Variants in HIPK1 observed in about 807,000 individuals in gnomAD.
HIPK1 encodes homeodomain interacting protein kinase 1.
Under a neutral mutation model 117.1 loss-of-function variants are expected in HIPK1, and 28 were observed. The ratio of observed to expected loss-of-function variants is 0.24; its 90% CI spans 0.18 to 0.33. HIPK1 has a LOEUF of 0.33. Among genes scored for constraint, HIPK1 ranks in the 10% least tolerant of loss-of-function variants. The pLI, the probability that HIPK1 is intolerant of heterozygous loss-of-function variation, is 1.00. For missense variants in HIPK1, 1,122 were observed against 1,475.1 expected (o/e 0.76, Z 3.92); for synonymous variants, 605 against 562.5 (o/e 1.08, Z -1.07).
At position 113,968,523 on chromosome 1, in the gene HIPK1, C is replaced by A. The variant is rs751885104; in HGVS notation, c.2646C>A (p.Ser882=). ...TCCGCACCACATCTTCTTATAATTC[C>A]TTGGTCCCTGTCCAAGATCAGCATC... ...SPLRTTSSYN[S]LVPVQDQHQP... The change falls in exon 13 of 16, where the codon TCC becomes TCA. Residue 882 remains serine, a synonymous_variant. Coordinates refer to ENST00000426820, the MANE Select transcript of HIPK1 (RefSeq NM_198268.3). 5.6e-6 allele frequency: 9 copies of A among 1,614,072 alleles called. No individual in the cohort carries two copies. The South Asian group carries it at 9.9e-5, about 18-fold the overall frequency.
chr1:113,968,638 A>C lies in HIPK1; in HGVS notation c.2761A>C (p.Lys921Gln). ...DTDEEEDNKY[K>Q]PSSSGLKPRS... The stretch of plus-strand genomic sequence containing the variant: ...TGATGAGGAAGAGGACAACAAATAC[A>C]AGCCCAGTAGGTAAGATAAGTGAAT... The change falls in exon 13 of 16, where the codon AAG (lysine) becomes CAG (glutamine). Residue 921 changes from lysine to glutamine, a missense_variant. Physicochemically the swap from Lys to Gln is moderately conservative, Grantham distance 53. Transcript: ENST00000426820. The C allele has an allele frequency of 6.2e-7, 1 of 1,612,296 alleles. No homozygotes were observed. Among genetic ancestry groups the C allele is most frequent in the Non-Finnish European group, 8.5e-7 (1 of 1,178,278 alleles).
At position 113,941,013 on chromosome 1, in the gene HIPK1, G is replaced by A. The variant is rs1453850586; in HGVS notation, c.630G>A (p.Arg210=). The change falls in exon 2 of 16, where the codon AGG becomes AGA. Residue 210 remains arginine, a synonymous_variant. Transcript: ENST00000426820. The surrounding 1 kb of genome is among the most constrained non-coding windows in gnomAD (Gnocchi z 4.9). ...TFGQVAKCWK[R]STKEIVAIKI... Reference sequence around the variant, plus strand: ...GACAGGTGGCTAAGTGCTGGAAGAGGAGCACCAAGGAAATTGTGGCTATTA... The same window carrying A: ...GACAGGTGGCTAAGTGCTGGAAGAGAAGCACCAAGGAAATTGTGGCTATTA... The A allele has an allele frequency of 1.9e-6, 3 of 1,614,144 alleles. No homozygotes were observed. The highest frequency in any genetic ancestry group is 4.5e-5 in the East Asian group (2 of 44,884).
intron 13 of HIPK1, among the ~76,000 whole-genome samples, chr1:113,969,258 G>A (rs981602752): frequency 1.3e-4 from 20 of 152,130 alleles, no homozygotes; most frequent in African/African-American, 4.6e-4. Context: ...AGTTCAAAAG[G>A]ACCAATTGTA....
intron 5 of HIPK1, among the ~76,000 whole-genome samples, chr1:113,955,877 G>T (rs1671682858): frequency 6.6e-6 from 1 of 152,032 alleles, no homozygotes; most frequent in Non-Finnish European, 1.5e-5. Context: ...TTACATAGCA[G>T]TGTTTTAAAA....
In HIPK1 at chr1:113,941,431, T is replaced by C; in HGVS notation, c.1048T>C (p.Ser350Pro). 6.2e-7 allele frequency: 1 copy of C among 1,613,888 alleles called. No individual in the cohort carries two copies. Among genetic ancestry groups the C allele is most frequent in the Non-Finnish European group, 8.5e-7 (1 of 1,179,798 alleles). The change falls in exon 2 of 16, where the codon TCA becomes CCA. Residue 350 changes from serine to proline, a missense_variant. Physicochemically the swap from Ser to Pro is moderately conservative, Grantham distance 74. This residue lies in a region of HIPK1 where 127 missense variants were observed against 197.9 expected (regional missense o/e 0.64). Transcript: ENST00000426820. This position sits in a 1 kb window ranked among gnomAD's most constrained non-coding sequence, Gnocchi z 4.9. ...TAGTCACGTTTCCAAAGCTGTGTGC[T>C]CAACCTACTTACAGTCACGTTACTA... ...SASHVSKAVC[S>P]TYLQSRYYRA...
chr1:113,968,520 T>C lies in HIPK1; in HGVS notation c.2643T>C (p.Asn881=). The change falls in exon 13 of 16, where the codon AAT becomes AAC. Residue 881 remains asparagine (N), a synonymous_variant. Transcript: ENST00000426820. ...CCCTCCGCACCACATCTTCTTATAATTCCTTGGTCCCTGTCCAAGATCAGC... is the reference window on the plus strand; with the variant it reads ...CCCTCCGCACCACATCTTCTTATAACTCCTTGGTCCCTGTCCAAGATCAGC... ...SSPLRTTSSY[N]SLVPVQDQHQ... 1 of 1,613,936 alleles carries C rather than the reference T, an allele frequency of 6.2e-7. No individual in the cohort carries two copies. Among genetic ancestry groups the C allele is most frequent in the Non-Finnish European group, 8.5e-7 (1 of 1,179,802 alleles).
intron 5 of HIPK1, among the ~76,000 whole-genome samples, chr1:113,956,368 C>T (rs1005607623): frequency 4.6e-5 from 7 of 152,042 alleles, no homozygotes; most frequent in African/African-American, 1.2e-4. Context: ...CATGAGCCAC[C>T]GCGCCCAGCC....
chr1:113,929,859 C>T (rs1571627484), intron 1 of HIPK1: 2 of 987,568 alleles, frequency 2.0e-6, no homozygotes, highest in Non-Finnish European at 2.4e-6. Context: ...GATGACCCGG[C>T]TGCGGGGCCC....
rs761732212 is a variant in HIPK1, at chr1:113,968,474, A to G, written c.2597A>G (p.Tyr866Cys). 1.9e-6 allele frequency: 3 copies of G among 1,614,008 alleles called. No homozygotes were observed. Among genetic ancestry groups the G allele is most frequent in the Non-Finnish European group, 2.5e-6 (3 of 1,179,878 alleles). ...SSLDVLPSQVYSLVGSSPLRT... is the reference protein window; with the variant it reads ...SSLDVLPSQVCSLVGSSPLRT... ...CTAGATGTTCTGCCTTCCCAAGTCT[A>G]TTCTCTGGTTGGGAGCAGTCCCCTC... Residue 866 changes from tyrosine (Y) to cysteine (C), a missense_variant, in exon 13 of 16, where the codon TAT becomes TGT. Tyr to Cys is a radical substitution (Grantham distance 194). Coordinates refer to ENST00000426820, the MANE Select transcript of HIPK1 (RefSeq NM_198268.3).
chr1:113,957,965 A>T, intron 7 of HIPK1, 101 bp from the exon 8 acceptor site: 1 of 888,844 alleles, frequency 1.1e-6, no homozygotes. Flanking sequence ...ATTACATTTT[A>T]AAACATTATT....
At chr1:113,938,938 AC>A (rs1670449678) in intron 1 of HIPK1, among the ~76,000 whole-genome samples, 1 of 77,090 alleles carries the variant, frequency 1.3e-5, no homozygotes, top group Non-Finnish European at 2.8e-5. Context: ...ATACACACAC[AC>A]ACACACACAC....
intron 15 of HIPK1, 162 bp downstream of exon 15, chr1:113,972,116 T>A: frequency 1.3e-6 from 2 of 1,568,800 alleles, no homozygotes; most frequent in Non-Finnish European, 1.7e-6. Context: ...ATGCTGTGTC[T>A]CTTCATTCAC....
At position 113,967,903 on chromosome 1, in the gene HIPK1, C is replaced by T. The variant is rs1672559000; in HGVS notation, c.2519C>T (p.Ser840Phe). The change falls in exon 12 of 16, where the codon TCC (serine) becomes TTC (phenylalanine). Residue 840 changes from serine (S) to phenylalanine (F), a missense_variant. By Grantham distance (155) the Ser-to-Phe change is radical. Transcript: ENST00000426820. ...GTTGTCAGACAACAACAATCCAGTT[C>T]CCTCCCTTCGAAGAAGAATAAGCAG... is the stretch of plus-strand genomic sequence containing the variant. ...AHVVRQQQSS[S>F]LPSKKNKQSA... The T allele has an allele frequency of 6.2e-7, 1 of 1,609,698 alleles. No homozygotes were observed. The highest frequency in any genetic ancestry group is 1.1e-5 in the South Asian group (1 of 90,218).
chr1:113,962,207 T>G, intron 8 of HIPK1, 110 bp from the exon 9 acceptor site: 1 of 1,142,888 alleles, frequency 8.7e-7, no homozygotes. Context: ...TGTCTAGGAT[T>G]AAAACCTGAA....
rs1672982869 is a variant in HIPK1, at chr1:113,973,487, A to T, written c.3608A>T (p.Lys1203Met). 1 of 1,598,000 alleles carries T rather than the reference A, an allele frequency of 6.3e-7. No individual in the cohort carries two copies. The highest frequency in any genetic ancestry group is 8.5e-7 in the Non-Finnish European group (1 of 1,170,152). ...IYTGYPLSPT[K>M]ISQYSYL Reference sequence around the variant, plus strand: ...ACTGGATACCCGCTGAGTCCTACCAAGATCAGCCAGTATTCCTACTTATAG... The same window carrying T: ...ACTGGATACCCGCTGAGTCCTACCATGATCAGCCAGTATTCCTACTTATAG... The change falls in exon 16 of 16, where the codon AAG (lysine) becomes ATG (methionine). Residue 1203 changes from lysine (K) to methionine (M), a missense_variant. Physicochemically the swap from Lys to Met is moderately conservative, Grantham distance 95. Transcript: ENST00000426820.
chr1:113,963,528 C>G lies in HIPK1; in HGVS notation c.2238+7C>G. The G allele has an allele frequency of 6.2e-7, 1 of 1,606,544 alleles. No individual in the cohort carries two copies. The highest frequency in any genetic ancestry group is 8.5e-7 in the Non-Finnish European group (1 of 1,177,526). ...ACAGACTGCCGCTGTACTGGTAATT[C>G]CCCTCACTTGATTGTGTTACTAACG... On this transcript the variant is annotated splice_region_variant and intron_variant, in intron 10 of 15. Transcript: ENST00000426820.
chr1:113,932,748 G>C (rs912559289), intron 1 of HIPK1, among the ~76,000 whole-genome samples: 1 of 152,084 alleles, frequency 6.6e-6, no homozygotes, highest in Non-Finnish European at 1.5e-5. Context: ...ATCTGTAAGA[G>C]TTCCAGTACT....
intron 1 of HIPK1, among the ~76,000 whole-genome samples, chr1:113,934,989 CAAAA>C (rs752015521): frequency 1.5e-5 from 1 of 67,752 alleles, no homozygotes; most frequent in African/African-American, 5.8e-5. Context: ...GAACCTGTCT[CAAAA>C]AAAAAAAAAA....
chr1:113,954,686 T>C lies in HIPK1; in HGVS notation c.1236T>C (p.Ala412=). The C allele has an allele frequency of 6.2e-7, 1 of 1,613,594 alleles. No homozygotes were observed. Among genetic ancestry groups the C allele is most frequent in the African/African-American group, 1.3e-5 (1 of 75,046 alleles). ...RYISQTQGLP[A]EYLLSAGTKT... is the part of the protein sequence containing the mutation. ...TTTCACAAACACAAGGCTTGCCAGCTGAATATCTTCTCAGTGCCGGAACAA... is the reference window on the plus strand; with the variant it reads ...TTTCACAAACACAAGGCTTGCCAGCCGAATATCTTCTCAGTGCCGGAACAA... Residue 412 remains alanine (A), a synonymous_variant, in exon 4 of 16, where the codon GCT becomes GCC. Coordinates refer to ENST00000426820, the MANE Select transcript of HIPK1 (RefSeq NM_198268.3).
Sources: allele counts gnomAD v4.1 joint callset (sites outside exome capture counted in the v4.1 genomes callset), GRCh38; gene constraint gnomAD v4.1.1; regional missense constraint gnomAD v4.1.1; non-coding constraint Gnocchi (gnomAD v3.1); transcripts MANE v1.5; gene names NCBI Gene and HGNC (gene_info 2026-07-23, HGNC 2026-07-21).